The following KCNJ6 variants were observed in gnomAD, a reference collection of about 807,000 sequenced individuals.
KCNJ6 encodes G protein-activated inward rectifier potassium channel 2.
In KCNJ6, 9 loss-of-function variants were observed where a neutral mutation model predicts 34.2. That is an observed-to-expected ratio of 0.26 (90% CI 0.16 to 0.46). KCNJ6 has a LOEUF of 0.46. Among genes scored for constraint, KCNJ6 ranks in the 20% least tolerant of loss-of-function variants. KCNJ6 has a pLI of 1.00. For missense variants in KCNJ6, 236 were observed against 531.3 expected, an observed-to-expected ratio of 0.44 and a Z score of 5.46; for synonymous variants, 196 against 207.1, an observed-to-expected ratio of 0.95 and a Z score of 0.46.
chr21:37,726,155 C>G (rs545312037), intron 2 of KCNJ6, among the ~76,000 whole-genome samples: 1 of 152,180 alleles, frequency 6.6e-6, no homozygotes, highest in African/African-American at 2.4e-5. Context: ...ATCCACCCCC[C>G]TCGTCCTTCC....
At chr21:37,775,919 T>G (rs539217254) in intron 2 of KCNJ6, among the ~76,000 whole-genome samples, 1 of 152,118 alleles carries the variant, frequency 6.6e-6, no homozygotes, top group Non-Finnish European at 1.5e-5. Context: ...GGGATGGCAT[T>G]GAATCTATAA....
chr21:37,689,489 A>G (rs191875635), intron 3 of KCNJ6, among the ~76,000 whole-genome samples: 1 of 152,138 alleles, frequency 6.6e-6, no homozygotes, highest in East Asian at 1.9e-4. Flanking sequence ...GAGCCTCCCA[A>G]TAGAGGAGAG....
intron 3 of KCNJ6, among the ~76,000 whole-genome samples, chr21:37,688,415 T>C (rs564255311): frequency 6.6e-6 from 1 of 151,300 alleles, no homozygotes; most frequent in African/African-American, 2.4e-5. Context: ...CTATGCTATG[T>C]TTTTTTTTAT....
At chr21:37,629,660 T>A in intron 3 of KCNJ6, among the ~76,000 whole-genome samples, 1 of 152,170 alleles carries the variant, frequency 6.6e-6, no homozygotes, top group East Asian at 1.9e-4. Context: ...CCTGTTCACA[T>A]TTTGTTCTCA....
chr21:37,664,792 CTTTTTTTTT>C (rs10594512), intron 3 of KCNJ6, among the ~76,000 whole-genome samples: 9 of 100,982 alleles, frequency 8.9e-5, no homozygotes, highest in African/African-American at 3.6e-4. Context: ...AAGAATATTC[CTTTTTTTTT>C]TTTTTTTTTT....
chr21:37,861,007 G>T (rs1488958354), intron 1 of KCNJ6, among the ~76,000 whole-genome samples: 2 of 152,206 alleles, frequency 1.3e-5, no homozygotes, highest in Non-Finnish European at 2.9e-5. Context: ...GTACAATAGG[G>T]ATAATGTTAT....
chr21:37,669,637 A>G (rs2054533105), intron 3 of KCNJ6, among the ~76,000 whole-genome samples: 1 of 152,038 alleles, frequency 6.6e-6, no homozygotes, highest in Non-Finnish European at 1.5e-5. Flanking sequence ...TAATGCAGGG[A>G]TAAAAACAAC....
chr21:37,793,576 GAGA>G (rs2055227511), intron 2 of KCNJ6, among the ~76,000 whole-genome samples: 1 of 138,870 alleles, frequency 7.2e-6, no homozygotes, highest in Non-Finnish European at 1.6e-5. Flanking sequence ...AAAAAAGAGT[GAGA>G]GCTATCAAGC....
chr21:37,710,769 C>T (rs923792610), intron 3 of KCNJ6, among the ~76,000 whole-genome samples: 12 of 152,182 alleles, frequency 7.9e-5, no homozygotes, highest in Admixed American at 7.2e-4. Context: ...CTGCTGAGCA[C>T]GTTTGTTTAC....
intron 2 of KCNJ6, among the ~76,000 whole-genome samples, chr21:37,781,971 T>C (rs2055171465): frequency 6.6e-6 from 1 of 152,200 alleles, no homozygotes; most frequent in South Asian, 2.1e-4. Context: ...TTACTTTACA[T>C]GGCAAAAGGG....
At chr21:37,707,257 G>A (rs1380646792) in intron 3 of KCNJ6, among the ~76,000 whole-genome samples, 1 of 152,210 alleles carries the variant, frequency 6.6e-6, no homozygotes, top group Non-Finnish European at 1.5e-5. Context: ...AGCACTAACT[G>A]CAAGGTCCCT....
rs368236270 is a variant in KCNJ6, at chr21:37,625,272, T to C, written c.1159A>G (p.Ser387Gly). Residue 387 changes from serine (S) to glycine (G), a missense_variant, in exon 4 of 4, where the codon AGC (serine) becomes GGC (glycine). Ser to Gly is a moderately conservative substitution (Grantham distance 56). Transcript: ENST00000609713. ...AGTTCTGCATGTTGGTTGAGTTTGC[T>C]GGATACAGACCAACTCAGGGGCAGC... ...AELPLSWSVS[S>G]KLNQHAELET... 1.2e-6 allele frequency: 2 copies of C among 1,614,226 alleles called. No individual in the cohort carries two copies. Among genetic ancestry groups the C allele is most frequent in the Non-Finnish European group, 1.7e-6 (2 of 1,180,026 alleles).
intron 2 of KCNJ6, among the ~76,000 whole-genome samples, chr21:37,820,074 C>T (rs760358960): frequency 6.6e-6 from 1 of 152,166 alleles, no homozygotes; most frequent in African/African-American, 2.4e-5. Context: ...AGATGTGAAC[C>T]ACTGTGCCTG....
At chr21:37,745,605 TAAGTC>T (rs921450176) in intron 2 of KCNJ6, among the ~76,000 whole-genome samples, 16 of 149,520 alleles carry the variant, frequency 1.1e-4, no homozygotes, top group African/African-American at 3.3e-4. Flanking sequence ...TCTAGGATCT[TAAGTC>T]AATGCATTTG....
intron 2 of KCNJ6, among the ~76,000 whole-genome samples, chr21:37,764,382 ACT>A (rs1491104917): frequency 3.1e-5 from 3 of 95,404 alleles, no homozygotes; most frequent in Non-Finnish European, 6.4e-5. Flanking sequence ...GAAGATATTT[ACT>A]TTTTTTTTTT....
In KCNJ6 at chr21:37,607,747, A is replaced by C. The variant is rs997118576; in HGVS notation, c.*17412T>G. ...ATCTTAGTGACTTTATTCCAAAGAA[A>C]TCTTAGAAGCCTTGGTAGCAACTTT... On this transcript the variant is annotated 3_prime_UTR_variant, in exon 4 of 4. Coordinates refer to ENST00000609713, the MANE Select transcript of KCNJ6 (RefSeq NM_002240.5). The C allele has an allele frequency of 7.2e-5, 11 of 152,138 alleles. No individual in the cohort carries two copies. The highest frequency in any genetic ancestry group is 1.2e-4 in the Non-Finnish European group (8 of 68,028). 9.4% of individuals were successfully genotyped at this position (152,138 alleles called of 1,614,324 possible). A position where few individuals can be genotyped will look rare whatever the true frequency, so the allele number is the denominator to read the frequency against.
At chr21:37,711,390 C>T (rs2054751350) in intron 3 of KCNJ6, among the ~76,000 whole-genome samples, 1 of 152,116 alleles carries the variant, frequency 6.6e-6, no homozygotes, top group Non-Finnish European at 1.5e-5. Context: ...CTGGAAGAGG[C>T]CTGCTCGTGG....
At chr21:37,843,009 C>T (rs1248759389) in intron 1 of KCNJ6, among the ~76,000 whole-genome samples, 1 of 152,152 alleles carries the variant, frequency 6.6e-6, no homozygotes, top group Admixed American at 6.5e-5. Context: ...TCAGGCCTCA[C>T]TCTGGATCAC....
intron 3 of KCNJ6, among the ~76,000 whole-genome samples, chr21:37,627,009 G>A (rs77359737): frequency 0.018 from 2,680 of 152,256 alleles, 76 homozygotes; most frequent in African/African-American, 0.06. Flanking sequence ...TCATCTGTTA[G>A]GACCACCAAT....
Sources: allele counts gnomAD v4.1 joint callset (sites outside exome capture counted in the v4.1 genomes callset), GRCh38; gene constraint gnomAD v4.1.1; transcripts MANE v1.5; gene names NCBI Gene and HGNC (gene_info 2026-07-23, HGNC 2026-07-21).